Variants in VPS53 observed in about 807,000 individuals in gnomAD.
VPS53 encodes the protein VPS53 subunit of GARP complex.
Under a neutral mutation model 107.0 loss-of-function variants are expected in VPS53, and 70 were observed. The observed-to-expected ratio is 0.65, with a 90% confidence interval of 0.54 to 0.80. The LOEUF is 0.80. VPS53 is among the 30% of genes least tolerant of loss of function. The pLI, the probability that VPS53 is intolerant of heterozygous loss-of-function variation, is 0.00. For missense variants in VPS53, 917 were observed against 1,049.4 expected, an observed-to-expected ratio of 0.87 and a Z score of 1.74; for synonymous variants, 409 against 393.3, an observed-to-expected ratio of 1.04 and a Z score of -0.47.
At position 681,589 on chromosome 17, in the gene VPS53, C is replaced by G. The variant is rs73976856; in HGVS notation, c.285+15829G>C. 2.6e-3 allele frequency among the ~76,000 whole-genome samples: 400 copies of G among 152,326 alleles called. 3 individuals carry two copies. Among genetic ancestry groups the G allele is most frequent in the African/African-American group, 9.3e-3 (387 of 41,572 alleles). On this transcript the variant is annotated intron_variant, in intron 4 of 21. Coordinates refer to ENST00000437048, the MANE Select transcript of VPS53 (RefSeq NM_001128159.3). ...TTCTGGTTGAAAATATGAAGAAAAT[C>G]TGGCTTCACATAGATATATGTAGTT...
At position 518,085 on chromosome 17, in the gene VPS53, A is replaced by C. The variant is rs1481982588; in HGVS notation, c.*1043T>G. The stretch of plus-strand genomic sequence containing the variant: ...CGTGCCTGGCAAGATATCATTCTTC[A>C]GCAAAAGCAGGCAGCAACAGCAGCG... On this transcript the variant is annotated 3_prime_UTR_variant, in exon 22 of 22. Transcript: ENST00000437048. 2.0e-5 allele frequency: 3 copies of C among 152,304 alleles called. No individual in the cohort carries two copies. Among genetic ancestry groups the C allele is most frequent in the Non-Finnish European group, 4.4e-5 (3 of 68,082 alleles). 9.4% of individuals were successfully genotyped at this position (152,304 alleles called of 1,614,324 possible). A position where few individuals can be genotyped will look rare whatever the true frequency, so the allele number is the denominator to read the frequency against.
rs180693514 is a variant in VPS53, at chr17:650,833, G to A, written c.608+2458C>T. ...CTACCAAAATGGTGAAATAATCTGT[G>A]GTATGTCACGCTATGGGGTTCTGTG... On this transcript the variant is annotated intron_variant, in intron 7 of 21. Coordinates refer to ENST00000437048, the MANE Select transcript of VPS53 (RefSeq NM_001128159.3). Among the ~76,000 whole-genome samples, 5 of 152,268 alleles carry A rather than the reference G, an allele frequency of 3.3e-5. No individual in the cohort carries two copies. The East Asian group carries it at 9.7e-4, about 29-fold the overall frequency.
chr17:666,086 G>A (rs1315695532), intron 4 of VPS53, among the ~76,000 whole-genome samples: 1 of 152,160 alleles, frequency 6.6e-6, no homozygotes, highest in Non-Finnish European at 1.5e-5. Flanking sequence ...GAAGAGAGGT[G>A]ATAGGTTGGG....
At chr17:565,394 A>T (rs1913397979) in intron 13 of VPS53, among the ~76,000 whole-genome samples, 1 of 127,854 alleles carries the variant, frequency 7.8e-6, no homozygotes, top group African/African-American at 3.2e-5. Flanking sequence ...CAAGAGCGAA[A>T]CCCCATCTCA....
rs563770713 is a variant in VPS53 at position 513,310 on chromosome 17, A to G, written c.*5818T>C. On this transcript the variant is annotated 3_prime_UTR_variant, in exon 22 of 22. Coordinates refer to ENST00000437048, the MANE Select transcript of VPS53 (RefSeq NM_001128159.3). Reference sequence around the variant, plus strand: ...CTTCCAGATGGAGAAAATGAAAGCTATTTACACAAAGAAGCAATCCCTTTA... The same window carrying G: ...CTTCCAGATGGAGAAAATGAAAGCTGTTTACACAAAGAAGCAATCCCTTTA... The G allele has an allele frequency of 2.4e-4, 37 of 152,336 alleles. No homozygotes were observed. The highest frequency in any genetic ancestry group is 8.9e-4 in the African/African-American group (37 of 41,578). 9.4% of individuals were successfully genotyped at this position (152,336 alleles called of 1,614,324 possible).
chr17:557,590 C>T (rs1026982602), intron 15 of VPS53, among the ~76,000 whole-genome samples: 1 of 152,070 alleles, frequency 6.6e-6, no homozygotes, highest in Non-Finnish European at 1.5e-5. Flanking sequence ...TGCCCTTGAC[C>T]TGGAATTAGT....
intron 11 of VPS53, among the ~76,000 whole-genome samples, chr17:614,975 G>A (rs1969070169): frequency 2.6e-5 from 4 of 152,186 alleles, no homozygotes; most frequent in Non-Finnish European, 1.5e-5. Flanking sequence ...AAACCTCCCA[G>A]TGAGGCAGTT....
chr17:537,263 G>A lies in VPS53; in HGVS notation c.1867-87C>T, dbSNP rs2151814564. 12 of 1,462,462 alleles carry A rather than the reference G, an allele frequency of 8.2e-6. No individual in the cohort carries two copies. In the South Asian group the frequency reaches 1.5e-4, roughly 19 times the overall value. The allele number at this position is 1,462,462 out of a possible 1,614,324, so 90.6% of individuals were successfully genotyped here. On this transcript the variant is annotated intron_variant, in intron 17 of 21. Transcript: ENST00000437048. ...GGGGAAGGGAGGGGCTGGAGTGGAA[G>A]TCAGGTCACAGCTTTGGTATCCCAG...
At chr17:631,707 G>A in intron 7 of VPS53, 79 bp from the exon 8 acceptor site, 1 of 1,384,442 alleles carries the variant, frequency 7.2e-7, no homozygotes, top group Non-Finnish European at 1.0e-6. Flanking sequence ...GGTCGGAAGG[G>A]CTGAAGTCTT....
At chr17:680,977 G>A (rs189600804) in intron 4 of VPS53, among the ~76,000 whole-genome samples, 46 of 152,262 alleles carry the variant, frequency 3.0e-4, no homozygotes, top group African/African-American at 1.0e-3. Context: ...ACCAATGTTG[G>A]AGATTAAAAC....
At chr17:678,365 T>A (rs1972247398) in intron 4 of VPS53, among the ~76,000 whole-genome samples, 1 of 151,924 alleles carries the variant, frequency 6.6e-6, no homozygotes, top group South Asian at 2.1e-4. Context: ...GAGACTGCAG[T>A]GAGCCAAGAT....
chr17:622,869 T>C (rs1040088323), intron 11 of VPS53, among the ~76,000 whole-genome samples: 1 of 152,016 alleles, frequency 6.6e-6, no homozygotes, highest in Non-Finnish European at 1.5e-5. Flanking sequence ...TTTTTTTTTT[T>C]TGTAGGGATG....
chr17:529,730 T>G (rs953068761), intron 19 of VPS53, among the ~76,000 whole-genome samples: 1 of 152,170 alleles, frequency 6.6e-6, no homozygotes, highest in African/African-American at 2.4e-5. Flanking sequence ...TATTTAATGT[T>G]TCCTGATGTT....
At chr17:714,301 C>T in intron 1 of VPS53, 1 of 349,970 alleles carries the variant, frequency 2.9e-6, no homozygotes, top group Non-Finnish European at 5.2e-6. Flanking sequence ...ATGCATGAAG[C>T]CCCCACAGTC....
At position 627,022 on chromosome 17, in the gene VPS53, G is replaced by A. The variant is rs891413340; in HGVS notation, c.974+152C>T. Reference sequence around the variant, plus strand: ...GATGGGGGCAGAGGGAGCAGCTGGTGGGGCCACTGTGGGGTACGAGGATGA... The same window carrying A: ...GATGGGGGCAGAGGGAGCAGCTGGTAGGGCCACTGTGGGGTACGAGGATGA... On this transcript the variant is annotated intron_variant, in intron 10 of 21. Coordinates refer to ENST00000437048, the MANE Select transcript of VPS53 (RefSeq NM_001128159.3). 60 of 997,426 alleles carry A rather than the reference G, an allele frequency of 6.0e-5. No individual in the cohort carries two copies. The African/African-American group carries it at 9.1e-4, about 15-fold the overall frequency. 61.8% of individuals were successfully genotyped at this position (997,426 alleles called of 1,614,324 possible).
intron 16 of VPS53, among the ~76,000 whole-genome samples, chr17:552,202 T>C (rs1911883700): frequency 6.6e-6 from 1 of 152,190 alleles, no homozygotes; most frequent in African/African-American, 2.4e-5. Flanking sequence ...CCTGTTCACA[T>C]CTTCCTCCCA....
chr17:660,128 G>A (rs1971384768), intron 5 of VPS53, among the ~76,000 whole-genome samples: 1 of 152,184 alleles, frequency 6.6e-6, no homozygotes, highest in South Asian at 2.1e-4. Context: ...GCATGAAATG[G>A]GAGGTTGTAG....
intron 4 of VPS53, among the ~76,000 whole-genome samples, chr17:662,460 C>A (rs185315006): frequency 1.3e-5 from 2 of 151,900 alleles, no homozygotes; most frequent in Non-Finnish European, 2.9e-5. Flanking sequence ...GAGGCCAAGG[C>A]GGGCAGATCA....
chr17:683,617 T>C (rs1220558220), intron 4 of VPS53, among the ~76,000 whole-genome samples: 1 of 152,232 alleles, frequency 6.6e-6, no homozygotes, highest in Non-Finnish European at 1.5e-5. Context: ...CTTCATTTGC[T>C]TCTCTGCAGG....
Sources: allele counts gnomAD v4.1 joint callset (sites outside exome capture counted in the v4.1 genomes callset), GRCh38; gene constraint gnomAD v4.1.1; transcripts MANE v1.5; gene names NCBI Gene and HGNC (gene_info 2026-07-23, HGNC 2026-07-21).